Variants in ARHGEF3 observed in about 807,000 individuals in gnomAD.
ARHGEF3 encodes the protein Rho guanine nucleotide exchange factor 3.
Under a neutral mutation model 63.2 loss-of-function variants are expected in ARHGEF3, and 28 were observed. The observed-to-expected ratio is 0.44, with a 90% CI of 0.33 to 0.61. ARHGEF3 has a LOEUF of 0.61. ARHGEF3 is among the 20% of genes least tolerant of loss of function. ARHGEF3 has a pLI of 0.03. For missense variants in ARHGEF3, 533 were observed against 659.3 expected (o/e 0.81, Z 2.10); for synonymous variants, 266 against 254.2 (o/e 1.05, Z -0.44).
intron 1 of ARHGEF3, among the ~76,000 whole-genome samples, chr3:57,044,094 C>T (rs1704344335): frequency 6.6e-6 from 1 of 152,226 alleles, no homozygotes; most frequent in African/African-American, 2.4e-5. Context: ...CCACACTCCT[C>T]CTTCACCCAA....
At chr3:56,939,617 G>A (rs1252042333) in intron 3 of ARHGEF3, among the ~76,000 whole-genome samples, 2 of 152,112 alleles carry the variant, frequency 1.3e-5, no homozygotes, top group Non-Finnish European at 2.9e-5. Context: ...GGACTATTAT[G>A]TTTTATGTCT....
chr3:56,872,930 G>A (rs1351557236), intron 4 of ARHGEF3, among the ~76,000 whole-genome samples: 1 of 152,166 alleles, frequency 6.6e-6, no homozygotes, highest in Non-Finnish European at 1.5e-5. Context: ...AGCAACAGTA[G>A]TTATTTTTTT....
At chr3:57,024,370 C>T (rs573617783) in intron 2 of ARHGEF3, among the ~76,000 whole-genome samples, 48 of 150,728 alleles carry the variant, frequency 3.2e-4, no homozygotes, top group Non-Finnish European at 6.8e-4. Flanking sequence ...AGGCCAATAG[C>T]AAACAGATTC....
At chr3:56,879,523 C>T (rs1468414717) in intron 4 of ARHGEF3, among the ~76,000 whole-genome samples, 1 of 152,148 alleles carries the variant, frequency 6.6e-6, no homozygotes, top group Non-Finnish European at 1.5e-5. Flanking sequence ...TCTGCAATTT[C>T]TTGTTCAAAG....
chr3:56,777,030 T>C (rs78287864), intron 1 of ARHGEF3, among the ~76,000 whole-genome samples: 1 of 152,262 alleles, frequency 6.6e-6, no homozygotes, highest in Non-Finnish European at 1.5e-5. Flanking sequence ...GTTTCTCTTG[T>C]CTTATTGCAC....
intron 4 of ARHGEF3, among the ~76,000 whole-genome samples, chr3:56,863,263 G>A (rs558810463): frequency 1.3e-5 from 2 of 151,422 alleles, no homozygotes; most frequent in African/African-American, 4.9e-5. Flanking sequence ...TCAGCCTTCC[G>A]AGTAGCTGGG....
At chr3:56,967,871 A>T (rs1308975872) in intron 2 of ARHGEF3, among the ~76,000 whole-genome samples, 1 of 59,844 alleles carries the variant, frequency 1.7e-5, no homozygotes, top group South Asian at 5.4e-4. Flanking sequence ...GACATATATA[A>T]TATATAATAT....
intron 3 of ARHGEF3, among the ~76,000 whole-genome samples, chr3:56,913,999 T>C (rs1221384845): frequency 6.6e-6 from 1 of 152,196 alleles, no homozygotes. Flanking sequence ...GACTGGAGAC[T>C]ATTATTCTAA....
intron 3 of ARHGEF3, among the ~76,000 whole-genome samples, chr3:56,911,859 A>AAAAGTG (rs998491893): frequency 8.6e-5 from 13 of 151,964 alleles, no homozygotes; most frequent in Admixed American, 2.0e-4. Flanking sequence ...CTTGAGCCCA[A>AAAAGTG]AAAGTGAAGG....
chr3:57,052,110 C>T (rs1033732572), intron 1 of ARHGEF3, among the ~76,000 whole-genome samples: 5 of 152,168 alleles, frequency 3.3e-5, no homozygotes, highest in African/African-American at 1.2e-4. Flanking sequence ...TTACTATGCT[C>T]GTGTTGTCCA....
At chr3:56,992,076 A>C (rs910728820) in intron 2 of ARHGEF3, among the ~76,000 whole-genome samples, 1 of 137,762 alleles carries the variant, frequency 7.3e-6, no homozygotes, top group African/African-American at 2.9e-5. Flanking sequence ...GTGTTCCTGG[A>C]TGGTCCTTAG....
chr3:56,929,805 T>C (rs2042363828), intron 3 of ARHGEF3, among the ~76,000 whole-genome samples: 1 of 152,210 alleles, frequency 6.6e-6, no homozygotes, highest in African/African-American at 2.4e-5. Flanking sequence ...AGGATGACTG[T>C]TCTTGAAGGA....
chr3:56,785,609 T>A (rs1021592081), intron 1 of ARHGEF3, among the ~76,000 whole-genome samples: 12 of 152,206 alleles, frequency 7.9e-5, no homozygotes, highest in Admixed American at 7.9e-4. Flanking sequence ...CTCTTTCTCA[T>A]CCATCTGTCG....
Position 56,822,322 on chromosome 3 carries a change from T to C in ARHGEF3, c.193-48506A>G, listed in dbSNP as rs531399168. Among the ~76,000 whole-genome samples, 710 of 152,282 alleles carry C rather than the reference T, an allele frequency of 4.7e-3. 10 individuals are homozygous for C. Among genetic ancestry groups the C allele is most frequent in the African/African-American group, 0.015 (631 of 41,548 alleles). On this transcript the variant is annotated intron_variant, in intron 4 of 12. Transcript: ENST00000338458. ...GTCAGGCTGGCTCCAGGGCCCACAC[T>C]TTCCAGTCCTGCACTAATTGCCCTG...
At position 56,817,428 on chromosome 3, in the gene ARHGEF3, C is replaced by T. The variant is rs574140044; in HGVS notation, c.193-43612G>A. Among the ~76,000 whole-genome samples the T allele has an allele frequency of 6.6e-5, 10 of 152,292 alleles. No individual in the cohort carries two copies. The South Asian group carries it at 2.1e-3, about 32-fold the overall frequency. On this transcript the variant is annotated intron_variant, in intron 4 of 12. Coordinates refer to the ARHGEF3 transcript ENST00000338458. ...TTAAACAATTTCTAACAGTAGACTA[C>T]ATGTGTGGCACATCATCCAAGCAAA... is the stretch of plus-strand genomic sequence containing the variant.
At chr3:57,002,523 G>GTTATATATGT (rs1560123186) in intron 2 of ARHGEF3, among the ~76,000 whole-genome samples, 1 of 27,628 alleles carries the variant, frequency 3.6e-5, no homozygotes, top group African/African-American at 9.2e-5. Flanking sequence ...TGTTATATAT[G>GTTATATATGT]TATGTTATAT....
At chr3:56,763,394 T>G (rs894252712) in intron 2 of ARHGEF3, among the ~76,000 whole-genome samples, 1 of 152,134 alleles carries the variant, frequency 6.6e-6, no homozygotes, top group African/African-American at 2.4e-5. Context: ...GCCAAATGGC[T>G]CCTAGAGGGA....
At chr3:57,074,262 C>A in intron 1 of ARHGEF3, 1 of 1,607,166 alleles carries the variant, frequency 6.2e-7, no homozygotes, top group East Asian at 2.2e-5. Flanking sequence ...ACACACACAT[C>A]TGTAATCAAT....
intron 3 of ARHGEF3, among the ~76,000 whole-genome samples, chr3:56,930,802 T>G (rs1179892215): frequency 6.6e-6 from 1 of 152,198 alleles, no homozygotes; most frequent in Non-Finnish European, 1.5e-5. Flanking sequence ...GGAGATGATG[T>G]TCAATACCAC....
Sources: gnomAD v4.1 joint callset for allele counts (sites outside exome capture counted in the v4.1 genomes callset) on GRCh38, gnomAD v4.1.1 for gene constraint, MANE v1.5 for transcripts, NCBI Gene and HGNC (gene_info 2026-07-23, HGNC 2026-07-21) for gene names.